The following JAK2 variants were observed in gnomAD, a reference collection of about 807,000 sequenced individuals.
The protein encoded by JAK2 is tyrosine-protein kinase JAK2.
A neutral mutation model predicts 139.3 loss-of-function variants in JAK2; 86 were observed. That is an observed-to-expected ratio of 0.62 (90% confidence interval 0.52 to 0.74). The LOEUF (loss-of-function observed/expected upper bound fraction) is 0.74, where lower values mean the gene tolerates loss of function less well. JAK2 is among the 30% of genes least tolerant of loss of function. The probability of loss-of-function intolerance (pLI) is 0.00; values close to 1 mark genes in which losing one functional copy is unlikely to be tolerated. For missense variants in JAK2, 1,421 were observed against 1,360.3 expected, an observed-to-expected ratio of 1.04 and a Z score of -0.70; for synonymous variants, 490 against 437.7, an observed-to-expected ratio of 1.12 and a Z score of -1.49.
At chr9:5,087,830 TTATTTA>T (rs1246135702) in intron 19 of JAK2, among the ~76,000 whole-genome samples, 1 of 151,898 alleles carries the variant, frequency 6.6e-6, no homozygotes, top group Admixed American at 6.6e-5. Context: ...ACACAAATAT[TTATTTA>T]TAAGAATATT....
Position 5,080,703 on chromosome 9 carries a change from T to C in JAK2, c.2434+20T>C. 6.6e-7 allele frequency: 1 copy of C among 1,511,726 alleles called. No individual in the cohort carries two copies. Among genetic ancestry groups the C allele is most frequent in the Non-Finnish European group, 8.8e-7 (1 of 1,130,494 alleles). The allele number at this position is 1,511,726 out of a possible 1,614,324, so 93.6% of individuals were successfully genotyped here. ...CTCCAGGTATGTATTTGAATGATCTTATTGATTTTCCAGCTTTCTATCTTT... is the reference window on the plus strand; with the variant it reads ...CTCCAGGTATGTATTTGAATGATCTCATTGATTTTCCAGCTTTCTATCTTT... On this transcript the variant is annotated intron_variant, in intron 18 of 24. Coordinates refer to ENST00000381652, the MANE Select transcript of JAK2 (RefSeq NM_004972.4).
Position 5,055,113 on chromosome 9 carries a change from T to C in JAK2, c.936+229T>C, listed in dbSNP as rs538004218. Among the ~76,000 whole-genome samples, 14 of 152,132 alleles carry C rather than the reference T, an allele frequency of 9.2e-5. No homozygotes were observed. In the South Asian group the frequency reaches 1.0e-3, roughly 11 times the overall value. ...AAAATAATTACCAATGACTATATTA[T>C]AGTTTCAGAAAGATGTCAAATTCTA... On this transcript the variant is annotated intron_variant, in intron 7 of 24. Coordinates refer to ENST00000381652, the MANE Select transcript of JAK2 (RefSeq NM_004972.4).
At chr9:4,998,401 C>T (rs7868130) in intron 2 of JAK2, among the ~76,000 whole-genome samples, 36,837 of 151,928 alleles carry the variant, frequency 0.24, 4,757 homozygotes, top group South Asian at 0.31. Context: ...GGATTATAGG[C>T]GCGCACCACC....
intron 22 of JAK2, chr9:5,114,440 G>A (rs928735727): frequency 2.1e-6 from 1 of 484,290 alleles, no homozygotes; most frequent in Non-Finnish European, 4.1e-6. Flanking sequence ...AGTGCAGGGT[G>A]ACCCACACCC....
chr9:5,050,216 T>G (rs190580896), intron 5 of JAK2, among the ~76,000 whole-genome samples: 2 of 152,230 alleles, frequency 1.3e-5, no homozygotes, highest in African/African-American at 4.8e-5. Context: ...TGTAAATCAG[T>G]TTCCATTTGC....
At chr9:5,072,082 G>A (rs1284453437) in intron 12 of JAK2, among the ~76,000 whole-genome samples, 1 of 152,148 alleles carries the variant, frequency 6.6e-6, no homozygotes, top group African/African-American at 2.4e-5. Context: ...TAAATAGCCT[G>A]TACAAGGTCA....
intron 22 of JAK2, among the ~76,000 whole-genome samples, chr9:5,122,415 A>AT (rs555068117): frequency 1.3e-5 from 2 of 151,956 alleles, no homozygotes; most frequent in Admixed American, 6.6e-5. Context: ...CTTGGAACCA[A>AT]TTTTTTTCTC....
chr9:5,029,583 A>T (rs1437720129), intron 3 of JAK2, among the ~76,000 whole-genome samples, 200 bp from the exon 4 acceptor site: 2 of 152,200 alleles, frequency 1.3e-5, no homozygotes. Flanking sequence ...GGGTGCACTA[A>T]AATGAAGTAT....
At chr9:4,993,493 C>T (rs1242179652) in intron 2 of JAK2, among the ~76,000 whole-genome samples, 2 of 152,210 alleles carry the variant, frequency 1.3e-5, no homozygotes, top group African/African-American at 2.4e-5. Flanking sequence ...GCTTTAACTT[C>T]CTGCTGAGAA....
intron 22 of JAK2, chr9:5,114,466 C>T: frequency 2.1e-6 from 1 of 470,624 alleles, no homozygotes. Flanking sequence ...CAGTCCACGA[C>T]CAAGATCAGC....
At chr9:5,104,648 G>C (rs957710955) in intron 22 of JAK2, among the ~76,000 whole-genome samples, 1 of 152,118 alleles carries the variant, frequency 6.6e-6, no homozygotes, top group Non-Finnish European at 1.5e-5. Flanking sequence ...ACGTCGATGT[G>C]AAAATCCTCA....
chr9:5,116,064 TAA>T, intron 22 of JAK2, among the ~76,000 whole-genome samples: 1 of 150,238 alleles, frequency 6.7e-6, no homozygotes, highest in Admixed American at 6.6e-5. Context: ...TAATAAAATT[TAA>T]AAAAAAAACA....
At chr9:5,115,192 T>C (rs1461493923) in intron 22 of JAK2, among the ~76,000 whole-genome samples, 1 of 152,068 alleles carries the variant, frequency 6.6e-6, no homozygotes, top group Non-Finnish European at 1.5e-5. Context: ...ATCAAGAATC[T>C]ACAAAGAACT....
chr9:5,043,312 TAAA>T (rs138606449), intron 4 of JAK2, among the ~76,000 whole-genome samples: 2 of 143,688 alleles, frequency 1.4e-5, no homozygotes, highest in African/African-American at 5.1e-5. Context: ...TTAGGGGCTT[TAAA>T]AAAAAAAAGG....
Position 5,050,917 on chromosome 9 carries a change from T to G in JAK2, c.614+86T>G. On this transcript the variant is annotated intron_variant, in intron 6 of 24. Coordinates refer to ENST00000381652, the MANE Select transcript of JAK2 (RefSeq NM_004972.4). ...TATATTTTCTGTGTTTACCCATGCCTTTTGATTTTGTAATACTAGTTAAGT... is the reference window on the plus strand; with the variant it reads ...TATATTTTCTGTGTTTACCCATGCCGTTTGATTTTGTAATACTAGTTAAGT... The G allele has an allele frequency of 5.1e-6, 6 of 1,170,318 alleles. No homozygotes were observed. The South Asian group carries it at 8.2e-5, about 16-fold the overall frequency. 72.5% of individuals were successfully genotyped at this position (1,170,318 alleles called of 1,614,324 possible). A position where few individuals can be genotyped will look rare whatever the true frequency, so the allele number is the denominator to read the frequency against.
intron 22 of JAK2, among the ~76,000 whole-genome samples, chr9:5,116,075 C>G (rs1419114874): frequency 1.3e-5 from 2 of 151,562 alleles, no homozygotes; most frequent in Non-Finnish European, 2.9e-5. Context: ...AAAAAAAAAA[C>G]AGTGAACATT....
intron 22 of JAK2, chr9:5,108,585 G>A (rs983317897): frequency 4.6e-5 from 7 of 151,958 alleles, no homozygotes; most frequent in Non-Finnish European, 1.5e-5. Flanking sequence ...AGCCCATGTA[G>A]AAGCCCCTAT....
In JAK2 at chr9:5,064,963, A is replaced by G. The variant is rs749561622; in HGVS notation, c.1137A>G (p.Ala379=). The G allele has an allele frequency of 6.2e-7, 1 of 1,608,612 alleles. No homozygotes were observed. Residue 379 remains alanine, a synonymous_variant, in exon 9 of 25, where the codon GCA becomes GCG. Coordinates refer to ENST00000381652, the MANE Select transcript of JAK2 (RefSeq NM_004972.4). ...GATATTATAGATTAACTGCAGATGC[A>G]CATCATTACCTCTGTAAAGAAGTAG... ...IDGYYRLTAD[A]HHYLCKEVAP... is the part of the protein sequence containing the mutation.
At chr9:4,998,545 A>T (rs540516013) in intron 2 of JAK2, among the ~76,000 whole-genome samples, 2 of 151,896 alleles carry the variant, frequency 1.3e-5, no homozygotes, top group Non-Finnish European at 2.9e-5. Context: ...ATGAGCCACC[A>T]TGCCCGGCCA....
Sources: gnomAD v4.1 joint callset for allele counts (sites outside exome capture counted in the v4.1 genomes callset) on GRCh38, gnomAD v4.1.1 for gene constraint, MANE v1.5 for transcripts, NCBI Gene and HGNC (gene_info 2026-07-23, HGNC 2026-07-21) for gene names.